Variants in LRPPRC observed in about 807,000 individuals in gnomAD.
LRPPRC encodes the protein leucine rich pentatricopeptide repeat containing, also known as leucine-rich PPR motif-containing protein, mitochondrial.
In LRPPRC, 120 loss-of-function variants were observed where a neutral mutation model predicts 180.3. The observed-to-expected ratio is 0.67, with a 90% CI of 0.57 to 0.77. The LOEUF is 0.77. Among genes scored for constraint, LRPPRC ranks in the 30% least tolerant of loss-of-function variants. The probability of loss-of-function intolerance (pLI) is 0.00; values close to 1 mark genes in which losing one functional copy is unlikely to be tolerated. For missense variants in LRPPRC, 2,012 were observed against 1,657.2 expected (o/e 1.21, Z -3.72); for synonymous variants, 723 against 600.0 (o/e 1.21, Z -3.00).
intron 13 of LRPPRC, chr2:43,959,040 G>A: frequency 1.9e-6 from 1 of 540,320 alleles, no homozygotes; most frequent in Non-Finnish European, 3.3e-6. Context: ...CAGCTATGAA[G>A]GCTGCTGACA....
At position 43,943,805 on chromosome 2, in the gene LRPPRC, C is replaced by T. The variant is rs879004882; in HGVS notation, c.2386G>A (p.Ala796Thr). Reference sequence around the variant, plus strand: ...GTTTCAATTTCACCTCTTAAAGCTGCGCCATTTAGCATGTGGAAAAAGGAC... The same window carrying T: ...GTTTCAATTTCACCTCTTAAAGCTGTGCCATTTAGCATGTGGAAAAAGGAC... ...ALSFFHMLNG[A>T]ALRGEIETVK... The change falls in exon 23 of 38, where the codon GCA (alanine) becomes ACA (threonine). Residue 796 changes from alanine (A) to threonine (T), a missense_variant. Ala to Thr is a moderately conservative substitution (Grantham distance 58). Coordinates refer to ENST00000260665, the MANE Select transcript of LRPPRC (RefSeq NM_133259.4). 6 of 1,613,438 alleles carry T rather than the reference C, an allele frequency of 3.7e-6. No homozygotes were observed. Among genetic ancestry groups the T allele is most frequent in the South Asian group, 3.3e-5 (3 of 91,072 alleles).
intron 11 of LRPPRC, among the ~76,000 whole-genome samples, chr2:43,965,777 TA>T (rs1232970580): frequency 6.6e-6 from 1 of 152,206 alleles, no homozygotes; most frequent in Non-Finnish European, 1.5e-5. Flanking sequence ...TCAACATTAC[TA>T]ATCATCAGGG....
chr2:43,918,874 T>C (rs1409747406), intron 27 of LRPPRC, among the ~76,000 whole-genome samples: 1 of 149,682 alleles, frequency 6.7e-6, no homozygotes, highest in Non-Finnish European at 1.5e-5. Flanking sequence ...TATAGATAGA[T>C]AGATATATGG....
intron 23 of LRPPRC, among the ~76,000 whole-genome samples, chr2:43,940,787 A>T (rs1672450581): frequency 6.6e-6 from 1 of 152,186 alleles, no homozygotes; most frequent in Admixed American, 6.5e-5. Context: ...TAACATGAAG[A>T]CTAATAAAAA....
At chr2:43,918,216 T>C (rs973402670) in intron 28 of LRPPRC, 40 bp downstream of exon 28, 2 of 1,607,234 alleles carry the variant, frequency 1.2e-6, no homozygotes, top group African/African-American at 2.7e-5. Flanking sequence ...CTAATTATAC[T>C]GACAACAAAA....
intron 30 of LRPPRC, among the ~76,000 whole-genome samples, 176 bp from the exon 31 acceptor site, chr2:43,905,956 AT>A (rs975597839): frequency 3.3e-5 from 5 of 151,624 alleles, no homozygotes; most frequent in Admixed American, 2.6e-4. Flanking sequence ...TAGAAGGATA[AT>A]TTTTTTTTGC....
chr2:43,915,817 A>G (rs1437939131), intron 29 of LRPPRC, among the ~76,000 whole-genome samples: 2 of 152,196 alleles, frequency 1.3e-5, no homozygotes, highest in Non-Finnish European at 2.9e-5. Flanking sequence ...GGTCTCACTC[A>G]ATCACCCAGG....
intron 36 of LRPPRC, among the ~76,000 whole-genome samples, chr2:43,893,493 C>G (rs764720144): frequency 3.3e-5 from 5 of 152,208 alleles, no homozygotes; most frequent in Non-Finnish European, 5.9e-5. Flanking sequence ...AGACCTTCTA[C>G]CAGCAAGATT....
Position 43,974,298 on chromosome 2 carries a change from G to A in LRPPRC, c.1010-3C>T. On this transcript the variant is annotated splice_region_variant and splice_polypyrimidine_tract_variant and intron_variant, in intron 8 of 37. Transcript: ENST00000260665. ...AAGTAAAATGAGGTTCATTGCATCT[G>A]GGAAGAAAACAAAGACATCTTTTGT... 1 of 1,607,392 alleles carries A rather than the reference G, an allele frequency of 6.2e-7. No individual in the cohort carries two copies. Among genetic ancestry groups the A allele is most frequent in the Non-Finnish European group, 8.5e-7 (1 of 1,173,936 alleles).
chr2:43,911,833 C>CT (rs1251839708), intron 30 of LRPPRC, among the ~76,000 whole-genome samples: 1 of 151,790 alleles, frequency 6.6e-6, no homozygotes, highest in Non-Finnish European at 1.5e-5. Context: ...AGTCAGATTT[C>CT]TTTTTTTTAA....
At chr2:43,960,361 T>G (rs896846693) in intron 13 of LRPPRC, among the ~76,000 whole-genome samples, 180 bp downstream of exon 13, 2 of 152,186 alleles carry the variant, frequency 1.3e-5, no homozygotes, top group African/African-American at 4.8e-5. Flanking sequence ...TTCAATGTCC[T>G]TATAACATTA....
chr2:43,947,370 T>A lies in LRPPRC; in HGVS notation c.1966A>T (p.Thr656Ser), dbSNP rs371286969. Residue 656 changes from threonine to serine, a missense_variant and splice_region_variant, in exon 20 of 38, where the codon ACT (threonine) becomes TCT (serine). Transcript: ENST00000260665. ...AATTCAGATGATGTAAGTTGCACAG[T>A]CTACAGAAAAGAAAAAAGAAAAGAA... ...VESKNLDFQK[T>S]VQLTSSELES... 1.3e-6 allele frequency: 2 copies of A among 1,495,800 alleles called. No homozygotes were observed. The highest frequency in any genetic ancestry group is 2.8e-5 in the African/African-American group (2 of 72,478). The allele number at this position is 1,495,800 out of a possible 1,614,324, so 92.7% of individuals were successfully genotyped here. A position where few individuals can be genotyped will look rare whatever the true frequency, so the allele number is the denominator to read the frequency against.
intron 27 of LRPPRC, among the ~76,000 whole-genome samples, chr2:43,922,329 T>C (rs1671726403): frequency 6.6e-6 from 1 of 152,226 alleles, no homozygotes; most frequent in South Asian, 2.1e-4. Flanking sequence ...GTTTCTGTAT[T>C]ATGTTATGAT....
chr2:43,887,651 G>A lies in LRPPRC; in HGVS notation c.*949C>T, dbSNP rs1206354491. 1 of 152,154 alleles carries A rather than the reference G, an allele frequency of 6.6e-6. No individual in the cohort carries two copies. Among genetic ancestry groups the A allele is most frequent in the Non-Finnish European group, 1.5e-5 (1 of 68,022 alleles). The allele number at this position is 152,154 out of a possible 1,614,324, so 9.4% of individuals were successfully genotyped here. A position where few individuals can be genotyped will look rare whatever the true frequency, so the allele number is the denominator to read the frequency against. On this transcript the variant is annotated 3_prime_UTR_variant, in exon 38 of 38. Transcript: ENST00000260665. ...TTAGGTCAATATTCCATATTATTAA[G>A]ACACCTTTTATAATGGCAAACTCTC...
intron 15 of LRPPRC, among the ~76,000 whole-genome samples, chr2:43,949,900 A>G (rs1374014642): frequency 6.6e-6 from 1 of 152,240 alleles, no homozygotes; most frequent in Non-Finnish European, 1.5e-5. Flanking sequence ...GTGAAATGTC[A>G]CACAGAAAGA....
chr2:43,963,573 C>T lies in LRPPRC; in HGVS notation c.1488+15G>A. The stretch of plus-strand genomic sequence containing the variant: ...TCCTCTTCAATTATTAAATTAAAAC[C>T]ACACTTGTACTCACCTGCAAAATGG... On this transcript the variant is annotated intron_variant, in intron 12 of 37. Transcript: ENST00000260665. The T allele has an allele frequency of 7.1e-7, 1 of 1,417,066 alleles. No individual in the cohort carries two copies. Among genetic ancestry groups the T allele is most frequent in the Non-Finnish European group, 1.0e-6 (1 of 1,000,672 alleles). 87.8% of individuals were successfully genotyped at this position (1,417,066 alleles called of 1,614,324 possible). A position where few individuals can be genotyped will look rare whatever the true frequency, so the allele number is the denominator to read the frequency against.
intron 1 of LRPPRC, among the ~76,000 whole-genome samples, chr2:43,995,041 G>A (rs1429033389): frequency 6.6e-6 from 1 of 152,064 alleles, no homozygotes; most frequent in Non-Finnish European, 1.5e-5. Context: ...AGGAGTTCGA[G>A]ACTAGCGTGG....
intron 12 of LRPPRC, among the ~76,000 whole-genome samples, chr2:43,963,221 G>A (rs1458466107): frequency 6.6e-6 from 1 of 152,158 alleles, no homozygotes; most frequent in East Asian, 1.9e-4. Flanking sequence ...GAGGCAGGTG[G>A]ATCACCTGAG....
intron 34 of LRPPRC, among the ~76,000 whole-genome samples, chr2:43,897,864 A>G (rs1472480870): frequency 1.3e-5 from 2 of 152,192 alleles, no homozygotes; most frequent in African/African-American, 4.8e-5. Flanking sequence ...AACTATCAAA[A>G]GGATGTGTTA....
Sources: gnomAD v4.1 joint callset for allele counts (sites outside exome capture counted in the v4.1 genomes callset) on GRCh38, gnomAD v4.1.1 for gene constraint, MANE v1.5 for transcripts, NCBI Gene and HGNC (gene_info 2026-07-23, HGNC 2026-07-21) for gene names.